Variants in NT5DC4 observed in about 807,000 individuals in gnomAD.
The protein encoded by NT5DC4 is 5'-nucleotidase domain containing 4.
NT5DC4 carries 44 observed loss-of-function variants against 26.6 expected under a neutral mutation model. The observed-to-expected ratio is 1.65, with a 90% CI of 1.30 to 2.13. NT5DC4 has a LOEUF of 2.13. NT5DC4 is among the 30% of genes most tolerant of loss of function. The pLI is 0.00. For missense variants in NT5DC4, 399 were observed against 228.1 expected, an observed-to-expected ratio of 1.75 and a Z score of -4.83; for synonymous variants, 157 against 86.7, an observed-to-expected ratio of 1.81 and a Z score of -4.51.
rs3811039 is a variant in NT5DC4, at chr2:112,738,943, T to A, written c.*7T>A. On this transcript the variant is annotated 3_prime_UTR_variant, in exon 17 of 17. Coordinates refer to ENST00000688554, the MANE Select transcript of NT5DC4 (RefSeq NM_001393655.1). ...CAAGAGAAGCCACTACTAAATCGTG[T>A]TCCTGCAGCATTTCTGGGTAGCGGG... 4.4e-4 allele frequency: 712 copies of A among 1,614,226 alleles called. 15 individuals are homozygous for A. The East Asian group carries it at 0.016, about 36-fold the overall frequency.
upstream of NT5DC4, among the ~76,000 whole-genome samples, chr2:112,720,697 G>A (rs887687595): frequency 6.6e-6 from 1 of 152,182 alleles, no homozygotes; most frequent in Non-Finnish European, 1.5e-5. Flanking sequence ...CAAGAGTACT[G>A]AGTTATTTCT....
chr2:112,729,839 A>G, intron 16 of NT5DC4, 135 bp downstream of exon 16: 1 of 634,742 alleles, frequency 1.6e-6, no homozygotes, highest in Non-Finnish European at 2.9e-6. Context: ...TTTTGTCTGC[A>G]AGCATAGTCA....
At position 112,722,482 on chromosome 2, in the gene NT5DC4, G is replaced by C. The variant is rs563502849; in HGVS notation, c.363-1G>C. The C allele has an allele frequency of 1.4e-6, 1 of 717,240 alleles. No individual in the cohort carries two copies. The allele number at this position is 717,240 out of a possible 1,614,324, so 44.4% of individuals were successfully genotyped here. A position where few individuals can be genotyped will look rare whatever the true frequency, so the allele number is the denominator to read the frequency against. ...GGGGAGGGGTCATTGGCTGCACCCA[G>C]CCTACCCCTCCTCAGGGCAGAGATC... is the stretch of plus-strand genomic sequence containing the variant. On this transcript the variant is annotated splice_acceptor_variant, in intron 4 of 16. Transcript: ENST00000688554. LOFTEE classifies it high-confidence loss of function.
At position 112,726,910 on chromosome 2, in the gene NT5DC4, G is replaced by A. The variant is rs149410769; in HGVS notation, c.1266+172G>A. 6.7e-3 allele frequency: 4,296 copies of A among 641,444 alleles called. 24 individuals carry two copies. The highest frequency in any genetic ancestry group is 7.6e-3 in the Non-Finnish European group (2,639 of 347,680). The allele number at this position is 641,444 out of a possible 1,614,324, so 39.7% of individuals were successfully genotyped here. On this transcript the variant is annotated intron_variant, in intron 15 of 16. Transcript: ENST00000688554. Reference sequence around the variant, plus strand: ...TGTCAGCCAGCGCCCTCTGCTGGCCGACATTCCAAAGGGCAGCGGTACCCT... The same window carrying A: ...TGTCAGCCAGCGCCCTCTGCTGGCCAACATTCCAAAGGGCAGCGGTACCCT...
intron 13 of NT5DC4, 79 bp downstream of exon 13, chr2:112,725,631 C>G (rs1677605080): frequency 1.7e-6 from 1 of 591,444 alleles, no homozygotes. Context: ...TCTCCTTTTT[C>G]CCGTGGGGGG....
intron 16 of NT5DC4, among the ~76,000 whole-genome samples, chr2:112,736,123 T>C (rs567088723): frequency 6.6e-6 from 1 of 152,094 alleles, no homozygotes; most frequent in South Asian, 2.1e-4. Context: ...GCACAAGCAA[T>C]GGATGGCACT....
At chr2:112,741,078 G>A, downstream of NT5DC4, 1 of 962,626 alleles carries the variant, frequency 1.0e-6, no homozygotes, top group Admixed American at 1.9e-5. Flanking sequence ...TCAATAACAT[G>A]AAAAATACAT....
chr2:112,737,377 C>A (rs1679355385), intron 16 of NT5DC4: 1 of 152,200 alleles, frequency 6.6e-6, no homozygotes, highest in South Asian at 2.1e-4. Context: ...TCTCCACAAT[C>A]TCATCAACAT....
chr2:112,742,652 G>T, downstream of NT5DC4: 1 of 1,163,714 alleles, frequency 8.6e-7, no homozygotes, highest in South Asian at 1.3e-5. Context: ...TGTCCTGGAT[G>T]ATTTTTACTG....
upstream of NT5DC4, among the ~76,000 whole-genome samples, chr2:112,719,922 TTCTCTTTC>T (rs1200598125): frequency 1.0e-4 from 9 of 90,054 alleles, no homozygotes; most frequent in African/African-American, 2.7e-4. Context: ...CTTTCTTTCT[TTCTCTTTC>T]TTTCTTTCTT....
intron 7 of NT5DC4, 21 bp downstream of exon 7, chr2:112,723,195 C>G: frequency 1.4e-6 from 1 of 717,252 alleles, no homozygotes; most frequent in South Asian, 1.5e-5. Flanking sequence ...GGTCCAGAAC[C>G]CCCGGACCCC....
chr2:112,720,998 G>T (rs559986288), upstream of NT5DC4, among the ~76,000 whole-genome samples: 4 of 152,326 alleles, frequency 2.6e-5, no homozygotes, highest in East Asian at 7.7e-4. Flanking sequence ...GCTTCTGAGG[G>T]AGAGGAGAGT....
In NT5DC4 at chr2:112,739,075, A is replaced by T; in HGVS notation, c.*139A>T. 4 of 1,502,140 alleles carry T rather than the reference A, an allele frequency of 2.7e-6. No homozygotes were observed. Among genetic ancestry groups the T allele is most frequent in the Non-Finnish European group, 3.7e-6 (4 of 1,092,730 alleles). The allele number at this position is 1,502,140 out of a possible 1,614,324, so 93.1% of individuals were successfully genotyped here. A position where few individuals can be genotyped will look rare whatever the true frequency, so the allele number is the denominator to read the frequency against. ...TGAGAGACAGCAAGAGATGCATTAAAAACCTTATCATTTAAAAAAATTATC... is the reference window on the plus strand; with the variant it reads ...TGAGAGACAGCAAGAGATGCATTAATAACCTTATCATTTAAAAAAATTATC... On this transcript the variant is annotated 3_prime_UTR_variant, in exon 17 of 17. Transcript: ENST00000688554.
chr2:112,738,868 A>G (rs899283692), intron 16 of NT5DC4, 45 bp from the exon 17 acceptor site: 3 of 1,614,060 alleles, frequency 1.9e-6, no homozygotes, highest in Non-Finnish European at 2.5e-6. Context: ...GCAGCGCCTC[A>G]TTTCTACGGA....
intron 16 of NT5DC4, among the ~76,000 whole-genome samples, chr2:112,734,844 C>A (rs1311222287): frequency 6.6e-6 from 1 of 152,070 alleles, no homozygotes; most frequent in African/African-American, 2.4e-5. Context: ...CACACTCTAC[C>A]ACATCTGGCT....
chr2:112,732,318 AG>A (rs1396378493), intron 16 of NT5DC4, among the ~76,000 whole-genome samples: 1 of 152,122 alleles, frequency 6.6e-6, no homozygotes, highest in African/African-American at 2.4e-5. Context: ...CAGAGCCTGC[AG>A]GGGCAGGTTC....
chr2:112,721,880 A>T lies in NT5DC4; in HGVS notation c.137A>T (p.Tyr46Phe), dbSNP rs765108701. The change falls in exon 2 of 17, where the codon TAC becomes TTC. Residue 46 changes from tyrosine (Y) to phenylalanine (F), a missense_variant. Tyr to Phe is a conservative substitution (Grantham distance 22, BLOSUM62 3). Coordinates refer to ENST00000688554, the MANE Select transcript of NT5DC4 (RefSeq NM_001393655.1). ...KIRCFGFDMDYTLAAYKSPAY... is the reference protein window; with the variant it reads ...KIRCFGFDMDFTLAAYKSPAY... ...CGTTGCTTTGGCTTCGACATGGACTACACTCTGGCTGGTAGAGAGGGCTGG... is the reference window on the plus strand; with the variant it reads ...CGTTGCTTTGGCTTCGACATGGACTTCACTCTGGCTGGTAGAGAGGGCTGG... The T allele has an allele frequency of 7.1e-5, 51 of 717,348 alleles. 2 individuals carry two copies. The South Asian group carries it at 7.4e-4, about 10-fold the overall frequency. 44.4% of individuals were successfully genotyped at this position (717,348 alleles called of 1,614,324 possible).
chr2:112,739,939 C>T (rs1416684719), downstream of NT5DC4, among the ~76,000 whole-genome samples: 1 of 152,116 alleles, frequency 6.6e-6, no homozygotes, highest in African/African-American at 2.4e-5. Context: ...CAGGCATGAG[C>T]CACCATGTGC....
chr2:112,736,564 TCTG>T (rs1679202821), intron 16 of NT5DC4: 1 of 152,244 alleles, frequency 6.6e-6, no homozygotes, highest in African/African-American at 2.4e-5. Flanking sequence ...GTTCATTTTA[TCTG>T]CTATTTTGTA....
Sources: gnomAD v4.1 joint callset for allele counts (sites outside exome capture counted in the v4.1 genomes callset) on GRCh38, gnomAD v4.1.1 for gene constraint, MANE v1.5 for transcripts, NCBI Gene and HGNC (gene_info 2026-07-23, HGNC 2026-07-21) for gene names.